Variants in DGKB observed in about 807,000 individuals in gnomAD.
DGKB encodes the protein diacylglycerol kinase beta.
Under a neutral mutation model 114.3 loss-of-function variants are expected in DGKB, and 67 were observed. The ratio of observed to expected loss-of-function variants is 0.59; its 90% CI spans 0.48 to 0.72. The LOEUF is 0.72. Ranked by LOEUF, DGKB falls within the 30% of genes least tolerant of loss-of-function variation. DGKB has a pLI of 0.00. For missense variants in DGKB, 907 were observed against 975.2 expected (o/e 0.93, Z 0.93); for synonymous variants, 398 against 323.1 (o/e 1.23, Z -2.49).
intron 1 of DGKB, among the ~76,000 whole-genome samples, chr7:14,876,887 T>A (rs1853374106): frequency 6.6e-6 from 1 of 152,196 alleles, no homozygotes; most frequent in African/African-American, 2.4e-5. Flanking sequence ...TATTCCAAAT[T>A]ACTTTTCTTA....
intron 23 of DGKB, among the ~76,000 whole-genome samples, chr7:14,298,563 G>C (rs570575412): frequency 7.9e-5 from 12 of 151,840 alleles, no homozygotes; most frequent in African/African-American, 2.9e-4. Context: ...ACTCAAGATG[G>C]ATTAAAGCAT....
At position 14,838,653 on chromosome 7, in the gene DGKB, G is replaced by T. The variant is rs1051886570; in HGVS notation, c.70+2541C>A. On this transcript the variant is annotated intron_variant, in intron 2 of 25. Coordinates refer to ENST00000402815, the MANE Select transcript of DGKB (RefSeq NM_001350709.2). ...TTTCCAGTCGTCTTTCATGATCTACGTTATGCAGTCTACACCAATACCCTA... is the reference window on the plus strand; with the variant it reads ...TTTCCAGTCGTCTTTCATGATCTACTTTATGCAGTCTACACCAATACCCTA... Among the ~76,000 whole-genome samples the T allele has an allele frequency of 3.3e-5, 5 of 151,878 alleles. No homozygotes were observed. In the East Asian group the frequency reaches 9.7e-4, roughly 30 times the overall value.
intron 21 of DGKB, among the ~76,000 whole-genome samples, chr7:14,404,260 T>A (rs185972129): frequency 4.0e-5 from 6 of 151,690 alleles, no homozygotes; most frequent in Middle Eastern, 3.4e-3. Context: ...ATATCCCCAT[T>A]TAACCTCCTA....
chr7:14,771,431 T>C (rs937335467), intron 2 of DGKB, among the ~76,000 whole-genome samples: 1 of 152,046 alleles, frequency 6.6e-6, no homozygotes, highest in African/African-American at 2.4e-5. Flanking sequence ...GGGAACAATA[T>C]TACCCAATGC....
chr7:14,259,325 CAA>C (rs1796391102), intron 23 of DGKB, among the ~76,000 whole-genome samples: 1 of 151,374 alleles, frequency 6.6e-6, no homozygotes, highest in East Asian at 1.9e-4. Flanking sequence ...AAGTTAACCT[CAA>C]TTAAATCTTT....
At chr7:14,179,347 T>C (rs988620769) in intron 23 of DGKB, among the ~76,000 whole-genome samples, 53 of 152,324 alleles carry the variant, frequency 3.5e-4, no homozygotes, top group African/African-American at 1.2e-3. Flanking sequence ...TTCTTTTCCA[T>C]TGTAATATTC....
chr7:14,625,730 T>C (rs567826764), intron 14 of DGKB, among the ~76,000 whole-genome samples: 1 of 151,428 alleles, frequency 6.6e-6, no homozygotes, highest in South Asian at 2.1e-4. Flanking sequence ...AGTTGGAAAA[T>C]TGTTGCTTTA....
chr7:14,358,282 T>C (rs1424448736), intron 21 of DGKB, among the ~76,000 whole-genome samples: 3 of 152,208 alleles, frequency 2.0e-5, no homozygotes, highest in African/African-American at 7.2e-5. Flanking sequence ...TTGGAGGCTT[T>C]GTTCATTTCT....
intron 4 of DGKB, among the ~76,000 whole-genome samples, chr7:14,743,068 T>A (rs546525760): frequency 1.4e-4 from 21 of 152,304 alleles, no homozygotes; most frequent in African/African-American, 5.1e-4. Flanking sequence ...AAGGTACTAA[T>A]CTGTTCTTTA....
intron 21 of DGKB, among the ~76,000 whole-genome samples, chr7:14,380,302 G>T (rs1037325280): frequency 6.6e-6 from 1 of 151,774 alleles, no homozygotes; most frequent in Middle Eastern, 3.4e-3. Flanking sequence ...ATGCCTAATT[G>T]AAAAAGGAAT....
At chr7:14,671,147 A>T (rs2128944988) in intron 13 of DGKB, among the ~76,000 whole-genome samples, 1 of 152,228 alleles carries the variant, frequency 6.6e-6, no homozygotes, top group Non-Finnish European at 1.5e-5. Context: ...ACAAGATCTC[A>T]TTGAGAAGAA....
chr7:14,613,470 A>T, intron 15 of DGKB, 57 bp from the exon 16 acceptor site: 3 of 846,482 alleles, frequency 3.5e-6, no homozygotes, highest in Non-Finnish European at 3.8e-6. Flanking sequence ...TATGAAGAAG[A>T]CTCCTTGTTA....
intron 21 of DGKB, among the ~76,000 whole-genome samples, chr7:14,451,177 G>A (rs1293953201): frequency 2.0e-5 from 3 of 152,038 alleles, no homozygotes; most frequent in African/African-American, 7.2e-5. Context: ...ACATTACTCT[G>A]TGTGTGCCTG....
At chr7:14,494,495 T>A (rs1399535391) in intron 20 of DGKB, among the ~76,000 whole-genome samples, 2 of 151,946 alleles carry the variant, frequency 1.3e-5, no homozygotes, top group African/African-American at 2.4e-5. Flanking sequence ...AATACAAATT[T>A]AGCCTACCAT....
At chr7:14,282,541 C>T (rs1476652820) in intron 23 of DGKB, among the ~76,000 whole-genome samples, 15 of 151,788 alleles carry the variant, frequency 9.9e-5, no homozygotes, top group South Asian at 4.2e-4. Flanking sequence ...ATACCAAAGC[C>T]GGGCAGAGAC....
intron 23 of DGKB, among the ~76,000 whole-genome samples, chr7:14,319,384 C>T (rs1007307131): frequency 3.9e-5 from 6 of 151,998 alleles, no homozygotes; most frequent in African/African-American, 9.7e-5. Context: ...TTATAAAAAG[C>T]AATACAGTGC....
chr7:14,180,737 T>A (rs1021720333), intron 23 of DGKB, among the ~76,000 whole-genome samples: 1 of 152,204 alleles, frequency 6.6e-6, no homozygotes, highest in Non-Finnish European at 1.5e-5. Flanking sequence ...CCCTACCTGT[T>A]AATCTTTGAG....
At chr7:14,196,674 T>C (rs1011387976) in intron 23 of DGKB, among the ~76,000 whole-genome samples, 1 of 152,108 alleles carries the variant, frequency 6.6e-6, no homozygotes, top group Admixed American at 6.6e-5. Flanking sequence ...AGAAATCTAT[T>C]CCACACATAA....
intron 1 of DGKB, among the ~76,000 whole-genome samples, chr7:14,920,417 AGG>A (rs1372570815): frequency 2.6e-5 from 4 of 152,220 alleles, no homozygotes; most frequent in Non-Finnish European, 5.9e-5. Flanking sequence ...ATATGTTATT[AGG>A]TAACTGCAAA....
Sources: allele counts gnomAD v4.1 joint callset (sites outside exome capture counted in the v4.1 genomes callset), GRCh38; gene constraint gnomAD v4.1.1; transcripts MANE v1.5; gene names NCBI Gene and HGNC (gene_info 2026-07-23, HGNC 2026-07-21).